Variants in DGKD observed in about 807,000 individuals in gnomAD.
DGKD encodes diacylglycerol kinase delta.
A neutral mutation model predicts 154.4 loss-of-function variants in DGKD; 68 were observed. The ratio of observed to expected loss-of-function variants is 0.44; its 90% confidence interval spans 0.36 to 0.54. DGKD has a LOEUF of 0.54. DGKD is among the 20% of genes least tolerant of loss of function. The pLI is 0.00. For synonymous variants in DGKD, 693 were observed against 638.0 expected (o/e 1.09, Z -1.30); for missense variants, 1,343 against 1,593.6 (o/e 0.84, Z 2.68).
intron 1 of DGKD, among the ~76,000 whole-genome samples, chr2:233,368,959 C>T (rs1702176482): frequency 6.6e-6 from 1 of 152,206 alleles, no homozygotes; most frequent in Admixed American, 6.5e-5. Context: ...CATTGCTGCC[C>T]ATTTCCTGCC....
At chr2:233,460,610 G>A (rs754502882) in intron 24 of DGKD, among the ~76,000 whole-genome samples, 1 of 152,204 alleles carries the variant, frequency 6.6e-6, no homozygotes, top group African/African-American at 2.4e-5. Context: ...CCCGGGCTCA[G>A]CCGGGCGCGG....
At position 233,440,459 on chromosome 2, in the gene DGKD, C is replaced by T. The variant is rs984004737; in HGVS notation, c.1086-1428C>T. On this transcript the variant is annotated intron_variant, in intron 9 of 29. Transcript: ENST00000264057. This position sits in a 1 kb window ranked among gnomAD's most constrained non-coding sequence, Gnocchi z 4.9. ...GGAGCACACGCAGGGTCCCCCGGCA[C>T]TTCAGTGGGGGTGACACAGCTTCTC... Among the ~76,000 whole-genome samples the T allele has an allele frequency of 3.3e-5, 5 of 152,180 alleles. No homozygotes were observed. Among genetic ancestry groups the T allele is most frequent in the Non-Finnish European group, 7.3e-5 (5 of 68,034 alleles).
At chr2:233,435,005 C>T in intron 5 of DGKD, 104 bp downstream of exon 5, 2 of 1,494,756 alleles carry the variant, frequency 1.3e-6, no homozygotes, top group South Asian at 1.3e-5. Context: ...GCCGTTGTCA[C>T]CCATGTGGTC....
At chr2:233,450,877 T>A (rs2063261927) in intron 16 of DGKD, 45 bp from the exon 17 acceptor site, 1 of 1,567,188 alleles carries the variant, frequency 6.4e-7, no homozygotes, top group Non-Finnish European at 8.7e-7. Flanking sequence ...GATTTCACAG[T>A]CTCTATTCCA....
chr2:233,360,794 T>A (rs1701742440), intron 1 of DGKD, among the ~76,000 whole-genome samples: 1 of 152,086 alleles, frequency 6.6e-6, no homozygotes, highest in East Asian at 1.9e-4. Flanking sequence ...CAGAAAGACA[T>A]GTTGGGAAAA....
intron 3 of DGKD, among the ~76,000 whole-genome samples, chr2:233,395,095 C>T (rs1703920488): frequency 6.6e-6 from 1 of 152,192 alleles, no homozygotes; most frequent in Non-Finnish European, 1.5e-5. Context: ...CAGCCATTTT[C>T]TGCTGTCAGG....
At chr2:233,356,058 A>G (rs1375919190) in intron 1 of DGKD, among the ~76,000 whole-genome samples, 2 of 152,210 alleles carry the variant, frequency 1.3e-5, no homozygotes, top group African/African-American at 4.8e-5. Context: ...TGCACCTGAC[A>G]TGACAACATT....
At chr2:233,463,273 C>T (rs1393869502) in intron 26 of DGKD, among the ~76,000 whole-genome samples, 1 of 152,098 alleles carries the variant, frequency 6.6e-6, no homozygotes, top group Admixed American at 6.5e-5. Context: ...CTCCTCACTG[C>T]ACGCGTCTCC....
At chr2:233,436,034 C>A in intron 6 of DGKD, 110 bp downstream of exon 6, 1 of 1,217,144 alleles carries the variant, frequency 8.2e-7, no homozygotes, top group South Asian at 1.5e-5. Context: ...TTGAGATGGT[C>A]ACACTGGCAT....
chr2:233,381,727 C>T (rs1702913815), intron 1 of DGKD, among the ~76,000 whole-genome samples: 2 of 152,180 alleles, frequency 1.3e-5, no homozygotes, highest in Admixed American at 6.5e-5. Context: ...AAACTGCAAA[C>T]CACAGATGAA....
Position 233,434,394 on chromosome 2 carries a change from C to T in DGKD, c.363C>T (p.Cys121=). Residue 121 remains cysteine, a synonymous_variant, in exon 4 of 30, where the codon TGC becomes TGT. Coordinates refer to ENST00000264057, the MANE Select transcript of DGKD (RefSeq NM_152879.3). ...VNNSFTVITP[C]RKLILCADNR... ...TCTTTCTCTAGGTCATAACTCCATG[C>T]AGGAAGCTCATCTTGTGTGCTGATA... is the stretch of plus-strand genomic sequence containing the variant. 6.2e-7 allele frequency: 1 copy of T among 1,614,026 alleles called. No individual in the cohort carries two copies. The highest frequency in any genetic ancestry group is 8.5e-7 in the Non-Finnish European group (1 of 1,179,896).
chr2:233,388,024 C>T, intron 1 of DGKD: 1 of 873,634 alleles, frequency 1.1e-6, no homozygotes, highest in Non-Finnish European at 1.6e-6. Flanking sequence ...GGCCTCTTGA[C>T]ACCCCCACCC....
At chr2:233,418,367 A>G (rs2062015500) in intron 3 of DGKD, among the ~76,000 whole-genome samples, 1 of 152,210 alleles carries the variant, frequency 6.6e-6, no homozygotes, top group African/African-American at 2.4e-5. Context: ...CCCCCCCGCC[A>G]ACCATGGCAG....
At chr2:233,408,597 G>A (rs1290733195) in intron 3 of DGKD, among the ~76,000 whole-genome samples, 1 of 152,202 alleles carries the variant, frequency 6.6e-6, no homozygotes, top group Non-Finnish European at 1.5e-5. Flanking sequence ...GCATGTCCCA[G>A]CTCTGCCAGC....
At position 233,450,816 on chromosome 2, in the gene DGKD, G is replaced by A. The variant is rs990623271; in HGVS notation, c.2039-106G>A. ...TTCACGCAACTGCCTGTGGTTTGCA[G>A]CCCTCCCTCCTCAGCCCTCCCACCT... On this transcript the variant is annotated intron_variant, in intron 16 of 29. Transcript: ENST00000264057. 2.1e-6 allele frequency: 3 copies of A among 1,435,900 alleles called. No individual in the cohort carries two copies. The East Asian group carries it at 7.0e-5, about 34-fold the overall frequency. The allele number at this position is 1,435,900 out of a possible 1,614,324, so 88.9% of individuals were successfully genotyped here.
chr2:233,465,721 G>T (rs1301476443), intron 27 of DGKD, among the ~76,000 whole-genome samples: 1 of 151,938 alleles, frequency 6.6e-6, no homozygotes, highest in Admixed American at 6.6e-5. Context: ...GACCAGCAAG[G>T]GTATCGCTAA....
At chr2:233,357,251 C>T (rs1701569053) in intron 1 of DGKD, among the ~76,000 whole-genome samples, 2 of 152,204 alleles carry the variant, frequency 1.3e-5, no homozygotes, top group African/African-American at 4.8e-5. Flanking sequence ...CTGGGGTCAC[C>T]TCCTCCACAA....
chr2:233,469,318 C>T, intron 29 of DGKD, 53 bp from the exon 30 acceptor site: 2 of 1,520,074 alleles, frequency 1.3e-6, no homozygotes, highest in Non-Finnish European at 1.8e-6. Context: ...CTGTGGAGCC[C>T]TCTGGCCCTG....
intron 1 of DGKD, among the ~76,000 whole-genome samples, chr2:233,367,047 G>A (rs1256078731): frequency 6.6e-6 from 1 of 152,076 alleles, no homozygotes; most frequent in Non-Finnish European, 1.5e-5. Flanking sequence ...AACCAGAAAT[G>A]CCATTTATGA....
Sources: gnomAD v4.1 joint callset for allele counts (sites outside exome capture counted in the v4.1 genomes callset) on GRCh38, gnomAD v4.1.1 for gene constraint, Gnocchi (gnomAD v3.1) non-coding constraint, MANE v1.5 for transcripts, NCBI Gene and HGNC (gene_info 2026-07-23, HGNC 2026-07-21) for gene names.